SNX7: variants seen among roughly 807,000 people sequenced by gnomAD.
The protein encoded by SNX7 is sorting nexin 7, also known as sorting nexin-7.
SNX7 carries 35 observed loss-of-function variants against 48.4 expected under a neutral mutation model. That is an observed-to-expected ratio of 0.72 (90% confidence interval 0.55 to 0.96). The LOEUF (loss-of-function observed/expected upper bound fraction) is 0.96. SNX7 is among the 40% of genes least tolerant of loss of function. The pLI is 0.00. For synonymous variants in SNX7, 190 were observed against 190.2 expected, an observed-to-expected ratio of 1.00 and a Z score of 0.01; for missense variants, 553 against 548.9, an observed-to-expected ratio of 1.01 and a Z score of -0.07.
At chr1:98,735,590 G>A (rs1337539507) in intron 7 of SNX7, among the ~76,000 whole-genome samples, 1 of 152,034 alleles carries the variant, frequency 6.6e-6, no homozygotes, top group East Asian at 1.9e-4. Flanking sequence ...CTAAAATACT[G>A]GAAGAAGACA....
chr1:98,754,771 T>C (rs986575747), intron 8 of SNX7, among the ~76,000 whole-genome samples: 2 of 151,974 alleles, frequency 1.3e-5, no homozygotes, highest in South Asian at 2.1e-4. Context: ...ATCAGTTTCA[T>C]TGATTTTTCT....
chr1:98,730,640 A>G (rs1334719284), intron 7 of SNX7, among the ~76,000 whole-genome samples: 5 of 152,024 alleles, frequency 3.3e-5, no homozygotes, highest in African/African-American at 9.7e-5. Context: ...TCATGAATGA[A>G]TTCCCGTTCA....
At chr1:98,759,834 T>C (rs150065555) in intron 8 of SNX7, among the ~76,000 whole-genome samples, 1 of 152,164 alleles carries the variant, frequency 6.6e-6, no homozygotes, top group East Asian at 1.9e-4. Flanking sequence ...AACTAATCCT[T>C]GCTAATCTTT....
intron 1 of SNX7, among the ~76,000 whole-genome samples, chr1:98,681,779 G>A (rs532158238): frequency 6.6e-6 from 1 of 152,284 alleles, no homozygotes; most frequent in South Asian, 2.1e-4. Context: ...ATTCAAAAGG[G>A]TCTGTGGATT....
At chr1:98,726,220 A>T (rs1653158010) in intron 7 of SNX7, among the ~76,000 whole-genome samples, 1 of 152,136 alleles carries the variant, frequency 6.6e-6, no homozygotes, top group African/African-American at 2.4e-5. Context: ...TAGATCACTG[A>T]CTGATAAATG....
chr1:98,661,492 T>G (rs1231458627), upstream of SNX7, among the ~76,000 whole-genome samples: 1 of 152,092 alleles, frequency 6.6e-6, no homozygotes, highest in Non-Finnish European at 1.5e-5. Context: ...AGCCAACCCT[T>G]TCTCCAACGT....
At chr1:98,703,088 A>G (rs1481708257) in intron 7 of SNX7, among the ~76,000 whole-genome samples, 2 of 150,888 alleles carry the variant, frequency 1.3e-5, no homozygotes, top group Non-Finnish European at 3.0e-5. Flanking sequence ...CATAATTGAA[A>G]CTCCTTAAGG....
intron 6 of SNX7, among the ~76,000 whole-genome samples, chr1:98,699,111 G>A (rs1651620838): frequency 6.6e-6 from 1 of 152,128 alleles, no homozygotes; most frequent in Non-Finnish European, 1.5e-5. Context: ...ATACTCAATA[G>A]CAACACCAAC....
intron 7 of SNX7, among the ~76,000 whole-genome samples, chr1:98,720,569 C>A (rs184588284): frequency 1.3e-5 from 2 of 152,162 alleles, no homozygotes; most frequent in Admixed American, 1.3e-4. Context: ...ATGATCACAA[C>A]TTTCTAGAGC....
rs775008383 is a variant in SNX7 at position 98,738,266 on chromosome 1, TA to T, written c.1158del (p.Val387TrpfsTer8). 2 of 1,613,236 alleles carry T rather than the reference TA, an allele frequency of 1.2e-6. No homozygotes were observed. The highest frequency in any genetic ancestry group is 1.7e-6 in the Non-Finnish European group (2 of 1,179,650). On this transcript the variant is annotated frameshift_variant, in exon 8 of 9. Coordinates refer to ENST00000306121, the MANE Select transcript of SNX7 (RefSeq NM_015976.5). LOFTEE classifies it high-confidence loss of function. ...CAGAGGAGATTGGAAAACTTGAAGATAAAGTGGAATGTGCTAATAATGCCCT... is the reference window on the plus strand; with the variant it reads ...CAGAGGAGATTGGAAAACTTGAAGATAAGTGGAATGTGCTAATAATGCCCT... ...LPEEIGKLED[K>X]VECANNALKA...
chr1:98,732,964 C>T lies in SNX7; in HGVS notation c.1126-5273C>T, dbSNP rs369587163. On this transcript the variant is annotated intron_variant, in intron 7 of 8. Transcript: ENST00000306121. ...TTAATTTAAAATGTCAGGTCTGCTT[C>T]GGTGCAACTGGTATGTCAATCGGTG... 8.0e-4 allele frequency among the ~76,000 whole-genome samples: 121 copies of T among 152,192 alleles called. No individual in the cohort carries two copies. In the Middle Eastern group the frequency reaches 0.01, roughly 13 times the overall value.
intron 8 of SNX7, among the ~76,000 whole-genome samples, chr1:98,754,811 TC>T (rs1321764328): frequency 6.6e-6 from 1 of 151,956 alleles, no homozygotes; most frequent in African/African-American, 2.4e-5. Context: ...TTTCATTGAG[TC>T]CCACTTTGCT....
chr1:98,726,383 C>G (rs1653171478), intron 7 of SNX7, among the ~76,000 whole-genome samples: 1 of 152,140 alleles, frequency 6.6e-6, no homozygotes, highest in African/African-American at 2.4e-5. Flanking sequence ...GAGTCTTGAC[C>G]TAAAGCCAGA....
intron 6 of SNX7, among the ~76,000 whole-genome samples, chr1:98,701,564 A>T (rs1651749253): frequency 1.3e-5 from 2 of 152,084 alleles, no homozygotes; most frequent in Admixed American, 1.3e-4. Flanking sequence ...ACAATGCTTA[A>T]ATGGGTAAAA....
chr1:98,677,595 A>G (rs1241361913), intron 1 of SNX7, among the ~76,000 whole-genome samples: 4 of 152,148 alleles, frequency 2.6e-5, no homozygotes, highest in Non-Finnish European at 4.4e-5. Context: ...ATAGAGGTAT[A>G]TAGGCCAGGG....
intron 1 of SNX7, among the ~76,000 whole-genome samples, chr1:98,664,615 G>A (rs1440823077): frequency 6.6e-6 from 1 of 152,072 alleles, no homozygotes. Flanking sequence ...TGTTAAGTAT[G>A]CTTTAAAAAA....
intron 7 of SNX7, among the ~76,000 whole-genome samples, chr1:98,736,391 G>A (rs1402162379): frequency 6.6e-6 from 1 of 152,150 alleles, no homozygotes; most frequent in African/African-American, 2.4e-5. Context: ...CGTCCCTGAG[G>A]TCTCCTAGCA....
intron 1 of SNX7, among the ~76,000 whole-genome samples, chr1:98,665,689 A>T (rs1649497919): frequency 6.6e-6 from 1 of 152,104 alleles, no homozygotes; most frequent in Admixed American, 6.6e-5. Context: ...CCCGGGTTCA[A>T]GCAATTCTCC....
At chr1:98,677,990 C>CATGTGTGTGTGTGTGTGT (rs1553197439) in intron 1 of SNX7, among the ~76,000 whole-genome samples, 1 of 141,778 alleles carries the variant, frequency 7.1e-6, no homozygotes, top group Non-Finnish European at 1.6e-5. Flanking sequence ...TGTGTGTGTG[C>CATGTGTGTGTGTGTGTGT]GTGTGTGTGT....
Sources: gnomAD v4.1 joint callset for allele counts (sites outside exome capture counted in the v4.1 genomes callset) on GRCh38, gnomAD v4.1.1 for gene constraint, MANE v1.5 for transcripts, NCBI Gene and HGNC (gene_info 2026-07-23, HGNC 2026-07-21) for gene names.